TEAD1: variants seen among roughly 807,000 people sequenced by gnomAD.
TEAD1 encodes the protein TEA domain transcription factor 1.
In TEAD1, 9 loss-of-function variants were observed where a neutral mutation model predicts 54.9. The ratio of observed to expected loss-of-function variants is 0.16; its 90% CI spans 0.10 to 0.29. The LOEUF is 0.29. TEAD1 is among the 10% of genes least tolerant of loss of function. TEAD1 has a pLI of 1.00. For missense variants in TEAD1, 387 were observed against 535.9 expected, an observed-to-expected ratio of 0.72 and a Z score of 2.74; for synonymous variants, 200 against 187.8, an observed-to-expected ratio of 1.07 and a Z score of -0.53.
At chr11:12,709,138 G>A (rs1943880422) in intron 2 of TEAD1, among the ~76,000 whole-genome samples, 1 of 152,268 alleles carries the variant, frequency 6.6e-6, no homozygotes, top group African/African-American at 2.4e-5. Context: ...AGTTGTTTAA[G>A]ATGAGCCTGA....
rs909245220 is a variant in TEAD1, at chr11:12,800,035, T to A, written c.202+35601T>A. Among the ~76,000 whole-genome samples the A allele has an allele frequency of 2.2e-4, 33 of 152,184 alleles. 1 individual carries two copies. The highest frequency in any genetic ancestry group is 1.7e-3 in the Admixed American group (26 of 15,274). ...TATTTTTGGAGTCCAGGGGAATAAG[T>A]GCATAATGGTAATAATTAAATACAG... On this transcript the variant is annotated intron_variant, in intron 3 of 12. Coordinates refer to ENST00000527636, the MANE Select transcript of TEAD1 (RefSeq NM_021961.6).
chr11:12,918,873 A>G (rs1353464040), intron 10 of TEAD1, among the ~76,000 whole-genome samples: 1 of 152,246 alleles, frequency 6.6e-6, no homozygotes, highest in Non-Finnish European at 1.5e-5. Flanking sequence ...TGAGTAAACA[A>G]AACTAAACAC....
intron 11 of TEAD1, among the ~76,000 whole-genome samples, chr11:12,926,787 G>A (rs1409683884): frequency 6.6e-6 from 1 of 152,090 alleles, no homozygotes; most frequent in Admixed American, 6.6e-5. Flanking sequence ...GGGGAGGGCG[G>A]GAATTGGCTC....
At chr11:12,745,226 C>G (rs1944723095) in intron 2 of TEAD1, among the ~76,000 whole-genome samples, 1 of 152,150 alleles carries the variant, frequency 6.6e-6, no homozygotes, top group South Asian at 2.1e-4. Flanking sequence ...TATTAAAGAT[C>G]TTTTAGCAGT....
At chr11:12,888,100 C>G (rs190573880) in intron 9 of TEAD1, among the ~76,000 whole-genome samples, 1 of 152,214 alleles carries the variant, frequency 6.6e-6, no homozygotes, top group Non-Finnish European at 1.5e-5. Context: ...CTTTATTGAG[C>G]TCTGTGAGGT....
chr11:12,877,711 C>T (rs73409210), intron 5 of TEAD1, among the ~76,000 whole-genome samples: 64,060 of 147,712 alleles, frequency 0.43, 14,444 homozygotes, highest in Middle Eastern at 0.64. Flanking sequence ...TTTTCTTTTT[C>T]CCCCCTCCCC....
At chr11:12,751,282 A>G (rs867655425) in intron 2 of TEAD1, among the ~76,000 whole-genome samples, 95 of 125,262 alleles carry the variant, frequency 7.6e-4, no homozygotes, top group African/African-American at 3.2e-3. Context: ...CTCCAACCTG[A>G]CTCAAAAAAA....
intron 2 of TEAD1, among the ~76,000 whole-genome samples, chr11:12,745,121 C>T (rs1195261069): frequency 2.6e-5 from 4 of 152,124 alleles, no homozygotes; most frequent in East Asian, 1.9e-4. Flanking sequence ...GTCGAGTCTA[C>T]GGTTTTTTCT....
intron 3 of TEAD1, among the ~76,000 whole-genome samples, chr11:12,860,675 AG>A (rs2134065386): frequency 6.6e-6 from 1 of 152,306 alleles, no homozygotes; most frequent in African/African-American, 2.4e-5. Context: ...GCTAGGTGCT[AG>A]GGGGACATTG....
At chr11:12,693,981 A>G (rs1016832559) in intron 2 of TEAD1, among the ~76,000 whole-genome samples, 3 of 152,210 alleles carry the variant, frequency 2.0e-5, no homozygotes, top group Non-Finnish European at 1.5e-5. Flanking sequence ...TGTCTGAGGA[A>G]CAAAGGCACT....
rs542045237 is a variant in TEAD1, at chr11:12,793,667, A to G, written c.202+29233A>G. 2.6e-5 allele frequency among the ~76,000 whole-genome samples: 4 copies of G among 152,346 alleles called. No individual in the cohort carries two copies. In the South Asian group the frequency reaches 8.3e-4, roughly 32 times the overall value. Reference sequence around the variant, plus strand: ...TTCAAAAAACCCACCGTTTTTAGATAACCCACTGACATGGTGAAGTAAGGA... The same window carrying G: ...TTCAAAAAACCCACCGTTTTTAGATGACCCACTGACATGGTGAAGTAAGGA... On this transcript the variant is annotated intron_variant, in intron 3 of 12. Transcript: ENST00000527636.
intron 9 of TEAD1, among the ~76,000 whole-genome samples, chr11:12,895,200 C>CCA (rs143977899): frequency 2.5e-5 from 3 of 122,352 alleles, no homozygotes; most frequent in East Asian, 2.8e-4. Flanking sequence ...CCTTTATTAA[C>CCA]CCCCCCCGGG....
intron 2 of TEAD1, among the ~76,000 whole-genome samples, chr11:12,726,178 G>GGT (rs1302107986): frequency 6.6e-6 from 1 of 152,190 alleles, no homozygotes; most frequent in African/African-American, 2.4e-5. Flanking sequence ...GAGGCACATA[G>GGT]GTGGGGCACA....
At chr11:12,872,593 C>G (rs1338786229) in intron 5 of TEAD1, among the ~76,000 whole-genome samples, 1 of 152,182 alleles carries the variant, frequency 6.6e-6, no homozygotes, top group Non-Finnish European at 1.5e-5. Flanking sequence ...ATGATGGGAG[C>G]CAGGGCACTG....
At chr11:12,699,891 C>T (rs971002108) in intron 2 of TEAD1, among the ~76,000 whole-genome samples, 2 of 152,184 alleles carry the variant, frequency 1.3e-5, no homozygotes, top group African/African-American at 2.4e-5. Flanking sequence ...GGAAGTGTTC[C>T]TTCTCTGCCA....
At position 12,942,052 on chromosome 11, in the gene TEAD1, G is replaced by A. The variant is rs1485300666; in HGVS notation, c.*4830G>A. 1 of 152,536 alleles carries A rather than the reference G, an allele frequency of 6.6e-6. No individual in the cohort carries two copies. Among genetic ancestry groups the A allele is most frequent in the African/African-American group, 2.4e-5 (1 of 41,412 alleles). The allele number at this position is 152,536 out of a possible 1,614,324, so 9.4% of individuals were successfully genotyped here. A position where few individuals can be genotyped will look rare whatever the true frequency, so the allele number is the denominator to read the frequency against. ...AAACTGACTGCTTGGTGTAAAATCC[G>A]AAACTGGACACAAGTCAGTTCTTTC... On this transcript the variant is annotated 3_prime_UTR_variant, in exon 13 of 13. Transcript: ENST00000527636.
chr11:12,931,829 C>G (rs1949016601), intron 12 of TEAD1, among the ~76,000 whole-genome samples: 3 of 152,126 alleles, frequency 2.0e-5, no homozygotes, highest in Admixed American at 2.0e-4. Context: ...ATATTAGATT[C>G]ATCCAGGAAG....
intron 3 of TEAD1, among the ~76,000 whole-genome samples, chr11:12,842,013 A>T (rs1430286566): frequency 6.6e-6 from 1 of 152,192 alleles, no homozygotes; most frequent in East Asian, 1.9e-4. Flanking sequence ...CATGTGCCGA[A>T]TTCTGAATCA....
chr11:12,807,029 T>C (rs990225465), intron 3 of TEAD1, among the ~76,000 whole-genome samples: 2 of 152,192 alleles, frequency 1.3e-5, no homozygotes, highest in African/African-American at 4.8e-5. Flanking sequence ...CAAATTGCAT[T>C]GCACTTTGTT....
Sources: allele counts gnomAD v4.1 joint callset (sites outside exome capture counted in the v4.1 genomes callset), GRCh38; gene constraint gnomAD v4.1.1; transcripts MANE v1.5; gene names NCBI Gene and HGNC (gene_info 2026-07-23, HGNC 2026-07-21).